GPC5: variants seen among roughly 807,000 people sequenced by gnomAD.
GPC5 encodes the protein glypican 5.
A neutral mutation model predicts 53.9 loss-of-function variants in GPC5; 47 were observed. That is an observed-to-expected ratio of 0.87 (90% CI 0.69 to 1.11). The LOEUF is 1.11. Ranked by LOEUF, GPC5 falls within the 50% of genes most tolerant of loss-of-function variation. The pLI is 0.00. For synonymous variants in GPC5, 286 were observed against 263.3 expected, an observed-to-expected ratio of 1.09 and a Z score of -0.84; for missense variants, 748 against 713.1, an observed-to-expected ratio of 1.05 and a Z score of -0.56.
chr13:92,614,817 C>T (rs1484657725), intron 7 of GPC5, among the ~76,000 whole-genome samples: 1 of 152,156 alleles, frequency 6.6e-6, no homozygotes, highest in Non-Finnish European at 1.5e-5. Context: ...ATTCTTACTT[C>T]TTCATTCTAT....
In GPC5 at chr13:92,630,234, C is replaced by T. The variant is rs969132781; in HGVS notation, c.1562-236048C>T. Among the ~76,000 whole-genome samples, 3 of 152,106 alleles carry T rather than the reference C, an allele frequency of 2.0e-5. No homozygotes were observed. In the East Asian group the frequency reaches 5.8e-4, roughly 29 times the overall value. ...TCGTGAATGTATGAATGTATTTAAC[C>T]TGAAAGCACAGGGAAGTAACAGATG... On this transcript the variant is annotated intron_variant, in intron 7 of 7. Coordinates refer to ENST00000377067, the MANE Select transcript of GPC5 (RefSeq NM_004466.6).
intron 6 of GPC5, among the ~76,000 whole-genome samples, chr13:91,918,894 G>T (rs2139013528): frequency 6.6e-6 from 1 of 151,938 alleles, no homozygotes; most frequent in Middle Eastern, 3.4e-3. Context: ...CTCCTTCTCT[G>T]CATTTCCCTC....
intron 5 of GPC5, among the ~76,000 whole-genome samples, chr13:91,865,800 TTC>T (rs1244288965): frequency 6.6e-6 from 1 of 152,194 alleles, no homozygotes; most frequent in Non-Finnish European, 1.5e-5. Context: ...TCTTGTGACT[TTC>T]TGTCTCCTCA....
chr13:92,059,468 C>T (rs2041103735), intron 6 of GPC5, among the ~76,000 whole-genome samples: 1 of 151,866 alleles, frequency 6.6e-6, no homozygotes, highest in Admixed American at 6.6e-5. Context: ...ATACATATAG[C>T]CATCTCTTCT....
intron 7 of GPC5, among the ~76,000 whole-genome samples, chr13:92,234,431 G>A (rs1337379993): frequency 6.6e-6 from 1 of 152,132 alleles, no homozygotes; most frequent in African/African-American, 2.4e-5. Flanking sequence ...ATTTTTTAAT[G>A]TGTCTTTTGG....
At chr13:91,721,147 G>A (rs1416213466) in intron 3 of GPC5, among the ~76,000 whole-genome samples, 1 of 131,564 alleles carries the variant, frequency 7.6e-6, no homozygotes, top group Non-Finnish European at 1.6e-5. Context: ...CTTTTTTTGG[G>A]TGGGGGGACT....
chr13:92,400,024 G>A (rs1398367941), intron 7 of GPC5, among the ~76,000 whole-genome samples: 1 of 152,056 alleles, frequency 6.6e-6, no homozygotes, highest in Admixed American at 6.5e-5. Context: ...ATTCAAATTT[G>A]CAGTCAGCCC....
intron 6 of GPC5, among the ~76,000 whole-genome samples, chr13:92,008,802 T>C (rs895641719): frequency 6.6e-6 from 1 of 152,162 alleles, no homozygotes; most frequent in African/African-American, 2.4e-5. Flanking sequence ...CAGTTTCACA[T>C]ATGTTGTAAT....
At chr13:91,503,625 T>A (rs1454849114) in intron 2 of GPC5, among the ~76,000 whole-genome samples, 1 of 151,188 alleles carries the variant, frequency 6.6e-6, no homozygotes, top group African/African-American at 2.4e-5. Context: ...ATTAATAATA[T>A]AAAAATTAGC....
At chr13:91,722,804 C>T (rs1237637392) in intron 3 of GPC5, among the ~76,000 whole-genome samples, 1 of 152,118 alleles carries the variant, frequency 6.6e-6, no homozygotes, top group African/African-American at 2.4e-5. Flanking sequence ...CATAAACATA[C>T]CTCTAATTCT....
At chr13:92,268,193 G>C (rs2042815485) in intron 7 of GPC5, among the ~76,000 whole-genome samples, 1 of 151,752 alleles carries the variant, frequency 6.6e-6, no homozygotes, top group African/African-American at 2.4e-5. Context: ...ATAGCTCACT[G>C]TATTTTAATT....
intron 5 of GPC5, among the ~76,000 whole-genome samples, chr13:91,867,377 G>T (rs972807002): frequency 1.3e-5 from 2 of 152,218 alleles, no homozygotes; most frequent in Non-Finnish European, 2.9e-5. Flanking sequence ...GCAGAAAAGA[G>T]AGTAATGTGG....
chr13:92,282,392 G>A (rs1219224288), intron 7 of GPC5, among the ~76,000 whole-genome samples: 1 of 152,088 alleles, frequency 6.6e-6, no homozygotes, highest in Non-Finnish European at 1.5e-5. Flanking sequence ...AGGAAATACG[G>A]AGAACGCCAC....
At chr13:91,577,482 T>G (rs2032180803) in intron 2 of GPC5, among the ~76,000 whole-genome samples, 1 of 152,198 alleles carries the variant, frequency 6.6e-6, no homozygotes, top group East Asian at 1.9e-4. Context: ...TTGTCTTTGG[T>G]GCATTATTAA....
chr13:91,963,023 G>A (rs1336498791), intron 6 of GPC5, among the ~76,000 whole-genome samples: 1 of 152,060 alleles, frequency 6.6e-6, no homozygotes, highest in African/African-American at 2.4e-5. Context: ...ACTAAGTGTG[G>A]GCTCTGGGGT....
intron 4 of GPC5, among the ~76,000 whole-genome samples, chr13:91,750,334 A>C (rs1383640099): frequency 6.6e-6 from 1 of 152,154 alleles, no homozygotes; most frequent in Non-Finnish European, 1.5e-5. Context: ...TGTGTACTAG[A>C]GATAGATGAA....
intron 6 of GPC5, among the ~76,000 whole-genome samples, chr13:92,040,208 T>C (rs1193930221): frequency 6.6e-6 from 1 of 152,212 alleles, no homozygotes; most frequent in Non-Finnish European, 1.5e-5. Context: ...GGCCACGGTA[T>C]GTGTGGAGTT....
chr13:91,713,727 CCTGGTTACTCTT>C (rs1199515197), intron 3 of GPC5, among the ~76,000 whole-genome samples: 1 of 152,132 alleles, frequency 6.6e-6, no homozygotes, highest in African/African-American at 2.4e-5. Context: ...GTCTCCCGAA[CCTGGTTACTCTT>C]TAGTACATCC....
intron 7 of GPC5, among the ~76,000 whole-genome samples, chr13:92,532,837 C>T (rs1354530776): frequency 1.3e-5 from 2 of 152,086 alleles, no homozygotes; most frequent in South Asian, 2.1e-4. Flanking sequence ...TAAAAAAGAA[C>T]ATCTTTTGCA....
Sources: gnomAD v4.1 joint callset for allele counts (sites outside exome capture counted in the v4.1 genomes callset) on GRCh38, gnomAD v4.1.1 for gene constraint, MANE v1.5 for transcripts, NCBI Gene and HGNC (gene_info 2026-07-23, HGNC 2026-07-21) for gene names.